GFRAL: variants seen among roughly 807,000 people sequenced by gnomAD.
GFRAL encodes the protein GDNF family receptor alpha-like.
GFRAL carries 36 observed loss-of-function variants against 45.4 expected under a neutral mutation model. The ratio of observed to expected loss-of-function variants is 0.79; its 90% CI spans 0.61 to 1.05. GFRAL has a LOEUF of 1.05. Ranked by LOEUF, GFRAL falls within the 50% of genes least tolerant of loss-of-function variation. The pLI is 0.00. For synonymous variants in GFRAL, 166 were observed against 154.1 expected (o/e 1.08, Z -0.57); for missense variants, 507 against 467.5 (o/e 1.08, Z -0.78).
intron 8 of GFRAL, among the ~76,000 whole-genome samples, chr6:55,401,393 A>T (rs1768894192): frequency 6.6e-6 from 1 of 152,134 alleles, no homozygotes; most frequent in East Asian, 1.9e-4. Context: ...AAGAAGAATG[A>T]TTGCTATTTC....
intron 3 of GFRAL, among the ~76,000 whole-genome samples, chr6:55,344,040 AT>A (rs1239734266): frequency 6.6e-6 from 1 of 152,136 alleles, no homozygotes; most frequent in Non-Finnish European, 1.5e-5. Flanking sequence ...TAAGGCAGTA[AT>A]TAATAGCCTA....
chr6:55,334,189 C>T (rs114519184), intron 3 of GFRAL, among the ~76,000 whole-genome samples: 1,985 of 152,072 alleles, frequency 0.013, 23 homozygotes, highest in Non-Finnish European at 0.022. Flanking sequence ...AGTAAGTGCA[C>T]GACATACTTC....
At chr6:55,346,030 A>C (rs1394872975) in intron 3 of GFRAL, among the ~76,000 whole-genome samples, 1 of 152,114 alleles carries the variant, frequency 6.6e-6, no homozygotes, top group African/African-American at 2.4e-5. Flanking sequence ...TCATTAAAAA[A>C]TCAGGAAACA....
In GFRAL at chr6:55,350,133, C is replaced by A; in HGVS notation, c.358C>A (p.Arg120Ser). 1.3e-6 allele frequency: 2 copies of A among 1,533,984 alleles called. No individual in the cohort carries two copies. The highest frequency in any genetic ancestry group is 1.8e-6 in the Non-Finnish European group (2 of 1,108,518). The part of the protein sequence containing the change: ...EDKFKWNLTT[R>S]SHHGFKGMWS... ...TAAATTCAAATGGAATCTAACTACACGTTCCCATCATGGTAATGTTTTTAA... is the reference window on the plus strand; with the variant it reads ...TAAATTCAAATGGAATCTAACTACAAGTTCCCATCATGGTAATGTTTTTAA... Residue 120 changes from arginine to serine, a missense_variant, in exon 4 of 9, where the codon CGT (arginine) becomes AGT (serine). Physicochemically the swap from Arg to Ser is moderately radical, Grantham distance 110. Coordinates refer to ENST00000340465, the MANE Select transcript of GFRAL (RefSeq NM_207410.2).
chr6:55,346,030 A>G (rs1394872975), intron 3 of GFRAL, among the ~76,000 whole-genome samples: 3 of 152,232 alleles, frequency 2.0e-5, no homozygotes, highest in South Asian at 4.1e-4. Flanking sequence ...TCATTAAAAA[A>G]TCAGGAAACA....
chr6:55,341,757 A>G (rs1767969040), intron 3 of GFRAL, among the ~76,000 whole-genome samples: 1 of 152,210 alleles, frequency 6.6e-6, no homozygotes, highest in Non-Finnish European at 1.5e-5. Flanking sequence ...CCCATTGAAA[A>G]GAAGCTAAAA....
At position 55,402,479 on chromosome 6, in the gene GFRAL, G is replaced by GT. The variant is rs1401476497; in HGVS notation, c.*629dup. ...TTTACAACACTGGAACAGAAATAAAGTTTCCCTTGAAGGCAAAAAGTGTTA... is the reference window on the plus strand; with the variant it reads ...TTTACAACACTGGAACAGAAATAAAGTTTTCCCTTGAAGGCAAAAAGTGTTA... On this transcript the variant is annotated 3_prime_UTR_variant, in exon 9 of 9. Coordinates refer to ENST00000340465, the MANE Select transcript of GFRAL (RefSeq NM_207410.2). 1 of 152,072 alleles carries GT rather than the reference G, an allele frequency of 6.6e-6. No individual in the cohort carries two copies. The highest frequency in any genetic ancestry group is 2.4e-5 in the African/African-American group (1 of 41,410). The allele number at this position is 152,072 out of a possible 1,614,324, so 9.4% of individuals were successfully genotyped here.
chr6:55,400,581 T>C (rs1405281131), intron 8 of GFRAL, among the ~76,000 whole-genome samples: 2 of 152,146 alleles, frequency 1.3e-5, no homozygotes, highest in African/African-American at 2.4e-5. Flanking sequence ...ACAAAATGTA[T>C]CCACTGTTTG....
At chr6:55,333,740 A>G (rs1449573747) in intron 2 of GFRAL, 46 bp from the exon 3 acceptor site, 1 of 1,318,990 alleles carries the variant, frequency 7.6e-7, no homozygotes, top group African/African-American at 1.5e-5. Context: ...AGAATCCAAA[A>G]TTATAATCAG....
intron 6 of GFRAL, among the ~76,000 whole-genome samples, chr6:55,392,559 G>C (rs886815242): frequency 1.3e-5 from 2 of 152,154 alleles, no homozygotes; most frequent in Non-Finnish European, 2.9e-5. Flanking sequence ...AAGAATGCCA[G>C]ATTAACTGGC....
chr6:55,356,678 T>A (rs1768199522), intron 5 of GFRAL, among the ~76,000 whole-genome samples: 1 of 151,852 alleles, frequency 6.6e-6, no homozygotes, highest in South Asian at 2.1e-4. Context: ...TCTTTTGAAT[T>A]TTTTTTGTTT....
chr6:55,343,285 C>G (rs1302252314), intron 3 of GFRAL, among the ~76,000 whole-genome samples: 1 of 152,184 alleles, frequency 6.6e-6, no homozygotes, highest in Non-Finnish European at 1.5e-5. Context: ...AAGTAAAGCA[C>G]TCCTTGGCAA....
chr6:55,371,342 T>C (rs1198057368), intron 6 of GFRAL, among the ~76,000 whole-genome samples: 1 of 152,200 alleles, frequency 6.6e-6, no homozygotes, highest in African/African-American at 2.4e-5. Flanking sequence ...ATTTTGACAA[T>C]TTATGGAATT....
intron 3 of GFRAL, among the ~76,000 whole-genome samples, chr6:55,340,662 G>C (rs1274339496): frequency 2.0e-5 from 3 of 152,276 alleles, no homozygotes; most frequent in Admixed American, 2.0e-4. Flanking sequence ...ACTGGGGCTT[G>C]TCAGACAGTG....
At chr6:55,347,150 G>A (rs1042228112) in intron 3 of GFRAL, among the ~76,000 whole-genome samples, 8 of 152,206 alleles carry the variant, frequency 5.3e-5, no homozygotes, top group African/African-American at 1.9e-4. Flanking sequence ...GAGTGATATA[G>A]GCTGGAAAGA....
Position 55,399,282 on chromosome 6 carries a change from TA to T in GFRAL, c.1048+12del. ...TTTCATTCCCCCTTCAATGGTCAGT[TA>T]AAAATCAATCCTCTATAATATTTAT... On this transcript the variant is annotated splice_region_variant and intron_variant, in intron 7 of 8. Coordinates refer to ENST00000340465, the MANE Select transcript of GFRAL (RefSeq NM_207410.2). The T allele has an allele frequency of 6.4e-7, 1 of 1,561,312 alleles. No individual in the cohort carries two copies. Among genetic ancestry groups the T allele is most frequent in the Non-Finnish European group, 8.8e-7 (1 of 1,136,820 alleles).
chr6:55,392,503 C>T (rs112383939), intron 6 of GFRAL, among the ~76,000 whole-genome samples: 24 of 152,300 alleles, frequency 1.6e-4, no homozygotes, highest in African/African-American at 5.8e-4. Flanking sequence ...GAATAGACAG[C>T]AGATTCTAAA....
chr6:55,395,208 A>C (rs193242482), intron 6 of GFRAL, among the ~76,000 whole-genome samples: 2 of 147,080 alleles, frequency 1.4e-5, no homozygotes, highest in African/African-American at 2.5e-5. Flanking sequence ...CAGCTAGGTA[A>C]AATTTTACAC....
At chr6:55,333,031 G>A (rs1056654459) in intron 2 of GFRAL, among the ~76,000 whole-genome samples, 6 of 151,752 alleles carry the variant, frequency 4.0e-5, no homozygotes, top group African/African-American at 1.2e-4. Context: ...CATTTTATAA[G>A]GCAATTTAAA....
Sources: gnomAD v4.1 joint callset for allele counts (sites outside exome capture counted in the v4.1 genomes callset) on GRCh38, gnomAD v4.1.1 for gene constraint, MANE v1.5 for transcripts, NCBI Gene and HGNC (gene_info 2026-07-23, HGNC 2026-07-21) for gene names.